Variants in PCSK6 observed in about 807,000 individuals in gnomAD.
PCSK6 encodes proprotein convertase subtilisin/kexin type 6.
A neutral mutation model predicts 123.3 loss-of-function variants in PCSK6; 85 were observed. That is an observed-to-expected ratio of 0.69 (90% confidence interval 0.58 to 0.83). The LOEUF (loss-of-function observed/expected upper bound fraction) is 0.83, where lower values mean the gene tolerates loss of function less well. Among genes scored for constraint, PCSK6 ranks in the 40% least tolerant of loss-of-function variants. PCSK6 has a pLI of 0.00. For missense variants in PCSK6, 1,191 were observed against 1,282.3 expected, an observed-to-expected ratio of 0.93 and a Z score of 1.09; for synonymous variants, 508 against 516.0, an observed-to-expected ratio of 0.98 and a Z score of 0.21.
rs769800732 is a variant in PCSK6 at position 101,307,225 on chromosome 15, T to C, written c.2800A>G (p.Thr934Ala). The C allele has an allele frequency of 6.2e-7, 1 of 1,612,594 alleles. No individual in the cohort carries two copies. Among genetic ancestry groups the C allele is most frequent in the East Asian group, 2.2e-5 (1 of 44,864 alleles). ...QLGTSCITNHTCSNADETFCE... is the reference protein window; with the variant it reads ...QLGTSCITNHACSNADETFCE... ...AGCTGCTGCTCACCGTTGCTGCACG[T>C]GTGGTTGGTGATGCAGGAGGTCCCC... Residue 934 changes from threonine (T) to alanine (A), a missense_variant, in exon 21 of 22, where the codon ACG (threonine) becomes GCG (alanine). By Grantham distance (58) the Thr-to-Ala change is moderately conservative. Around this residue, in one of 3 missense-constraint regions of PCSK6, gnomAD observed 630 missense variants for 631.4 expected, o/e 1.00. Coordinates refer to ENST00000611716, the MANE Select transcript of PCSK6 (RefSeq NM_002570.5).
At chr15:101,465,411 T>A (rs1048743759) in intron 1 of PCSK6, among the ~76,000 whole-genome samples, 2 of 152,218 alleles carry the variant, frequency 1.3e-5, no homozygotes, top group African/African-American at 4.8e-5. Context: ...GACCATCTGA[T>A]GGTACGTCCA....
At chr15:101,374,920 T>G (rs930724579) in intron 11 of PCSK6, among the ~76,000 whole-genome samples, 2 of 152,100 alleles carry the variant, frequency 1.3e-5, no homozygotes, top group Non-Finnish European at 2.9e-5. Context: ...CTTATTCATA[T>G]GAGTTCAGAC....
rs775864801 is a variant in PCSK6 at position 101,398,441 on chromosome 15, C to A, written c.959G>T (p.Arg320Leu). ...DDGKTVDGPGRLAKQAFEYGI... is the reference protein window; with the variant it reads ...DDGKTVDGPGLLAKQAFEYGI... ...ATACTCGAAAGCCTGCTTAGCCAGT[C>A]GGCCGGGCCCGTCCACCGTCTTGCC... is the stretch of plus-strand genomic sequence containing the variant. Residue 320 changes from arginine to leucine, a missense_variant, in exon 7 of 22, where the codon CGA becomes CTA. Physicochemically the swap from Arg to Leu is moderately radical, Grantham distance 102. Coordinates refer to ENST00000611716, the MANE Select transcript of PCSK6 (RefSeq NM_002570.5). The surrounding 1 kb of genome is among the most constrained non-coding windows in gnomAD (Gnocchi z 4.6). 2.5e-6 allele frequency: 4 copies of A among 1,613,296 alleles called. No homozygotes were observed. The South Asian group carries it at 3.3e-5, about 13-fold the overall frequency.
chr15:101,452,235 A>T (rs1284659698), intron 1 of PCSK6, among the ~76,000 whole-genome samples: 5 of 152,238 alleles, frequency 3.3e-5, no homozygotes, highest in African/African-American at 1.2e-4. Flanking sequence ...TTAAGTCGCC[A>T]AACCAAATGG....
chr15:101,384,205 C>A, intron 10 of PCSK6, 117 bp downstream of exon 10: 1 of 1,492,646 alleles, frequency 6.7e-7, no homozygotes, highest in Non-Finnish European at 9.0e-7. Flanking sequence ...ATTCTTGTGA[C>A]ACACAATTAA....
At chr15:101,394,829 A>G (rs560988626) in intron 7 of PCSK6, among the ~76,000 whole-genome samples, 5 of 152,320 alleles carry the variant, frequency 3.3e-5, no homozygotes, top group East Asian at 1.9e-4. Context: ...AGCCCACAGG[A>G]AAGTTCTTGG....
At chr15:101,379,084 G>A (rs752017281) in intron 11 of PCSK6, among the ~76,000 whole-genome samples, 6 of 152,264 alleles carry the variant, frequency 3.9e-5, no homozygotes, top group Non-Finnish European at 4.4e-5. Context: ...CGGGGCACCA[G>A]CTCTGTGCAG....
At chr15:101,486,850 G>A (rs1342900031) in intron 1 of PCSK6, among the ~76,000 whole-genome samples, 1 of 152,198 alleles carries the variant, frequency 6.6e-6, no homozygotes, top group Non-Finnish European at 1.5e-5. Flanking sequence ...GCCCATTAAG[G>A]GCTTGGAGAA....
chr15:101,375,832 C>T (rs868553835), intron 11 of PCSK6, among the ~76,000 whole-genome samples: 10 of 152,162 alleles, frequency 6.6e-5, no homozygotes, highest in South Asian at 2.1e-4. Flanking sequence ...GTCAGGAGTT[C>T]GAGACCAGCC....
chr15:101,477,732 T>C (rs1242418525), intron 1 of PCSK6, among the ~76,000 whole-genome samples: 2 of 152,158 alleles, frequency 1.3e-5, no homozygotes, highest in African/African-American at 4.8e-5. Flanking sequence ...CAACTGTGGG[T>C]CCCCCTCCAG....
intron 9 of PCSK6, among the ~76,000 whole-genome samples, chr15:101,386,877 G>A (rs1200938025): frequency 6.6e-6 from 1 of 152,222 alleles, no homozygotes; most frequent in Non-Finnish European, 1.5e-5. Flanking sequence ...CGTCTGGGGA[G>A]TCTGTTTAAT....
At chr15:101,376,724 C>G (rs1262464965) in intron 11 of PCSK6, among the ~76,000 whole-genome samples, 1 of 152,198 alleles carries the variant, frequency 6.6e-6, no homozygotes, top group Non-Finnish European at 1.5e-5. Flanking sequence ...GAAAGGGTTG[C>G]AAGAACATAA....
At chr15:101,318,249 C>G in intron 19 of PCSK6, 70 bp downstream of exon 19, 1 of 1,164,130 alleles carries the variant, frequency 8.6e-7, no homozygotes. Context: ...CTAGGGCTTT[C>G]TCGGGTTCAA....
intron 11 of PCSK6, among the ~76,000 whole-genome samples, chr15:101,377,432 C>T (rs1016010760): frequency 6.6e-6 from 1 of 152,068 alleles, no homozygotes; most frequent in Admixed American, 6.5e-5. Flanking sequence ...CAGCTCAGCC[C>T]CACAGCACCC....
At chr15:101,430,142 C>T in intron 4 of PCSK6, 79 bp from the exon 5 acceptor site, 1 of 1,130,136 alleles carries the variant, frequency 8.8e-7, no homozygotes, top group East Asian at 2.4e-5. Flanking sequence ...GTTCCGTTGG[C>T]AAATAGAGAA....
chr15:101,476,697 C>T (rs112625005), intron 1 of PCSK6, among the ~76,000 whole-genome samples: 24 of 152,030 alleles, frequency 1.6e-4, no homozygotes, highest in Admixed American at 1.5e-3. Flanking sequence ...AATCAGGGAT[C>T]GGATGAGGGG....
chr15:101,431,561 A>C lies in PCSK6; in HGVS notation c.514-98T>G, dbSNP rs532877141. On this transcript the variant is annotated intron_variant, in intron 3 of 21. Coordinates refer to ENST00000611716, the MANE Select transcript of PCSK6 (RefSeq NM_002570.5). ...CCCACAGGGAGGCGCTTAGGCTTGCAAGTAAAAAAGGAGGGAACACCTATC... is the reference window on the plus strand; with the variant it reads ...CCCACAGGGAGGCGCTTAGGCTTGCCAGTAAAAAAGGAGGGAACACCTATC... The C allele has an allele frequency of 2.4e-5, 35 of 1,457,102 alleles. No homozygotes were observed. The East Asian group carries it at 8.2e-4, about 34-fold the overall frequency. The allele number at this position is 1,457,102 out of a possible 1,614,324, so 90.3% of individuals were successfully genotyped here. A position where few individuals can be genotyped will look rare whatever the true frequency, so the allele number is the denominator to read the frequency against.
At chr15:101,394,474 C>T (rs781544686) in intron 7 of PCSK6, among the ~76,000 whole-genome samples, 1 of 152,118 alleles carries the variant, frequency 6.6e-6, no homozygotes, top group African/African-American at 2.4e-5. Flanking sequence ...GGATATAGTC[C>T]AGATGGCTGG....
chr15:101,305,378 G>A lies in PCSK6; in HGVS notation c.2813-23C>T, dbSNP rs776495315. The A allele has an allele frequency of 2.5e-6, 4 of 1,594,754 alleles. No homozygotes were observed. Among genetic ancestry groups the A allele is most frequent in the South Asian group, 1.1e-5 (1 of 90,014 alleles). ...CAGCTGGGGCCCCGCATCAGGAAAGGCAAAAGAGGGAAAGGTCAGTCTTCG... is the reference window on the plus strand; with the variant it reads ...CAGCTGGGGCCCCGCATCAGGAAAGACAAAAGAGGGAAAGGTCAGTCTTCG... On this transcript the variant is annotated intron_variant, in intron 21 of 21. Coordinates refer to ENST00000611716, the MANE Select transcript of PCSK6 (RefSeq NM_002570.5). This position sits in a 1 kb window ranked among gnomAD's most constrained non-coding sequence, Gnocchi z 4.8.
Sources: gnomAD v4.1 joint callset for allele counts (sites outside exome capture counted in the v4.1 genomes callset) on GRCh38, gnomAD v4.1.1 for gene constraint, gnomAD v4.1.1 regional missense constraint, Gnocchi (gnomAD v3.1) non-coding constraint, MANE v1.5 for transcripts, NCBI Gene and HGNC (gene_info 2026-07-23, HGNC 2026-07-21) for gene names.